UBQLN1: variants seen among roughly 807,000 people sequenced by gnomAD.
The protein encoded by UBQLN1 is ubiquilin 1.
UBQLN1 carries 13 observed loss-of-function variants against 65.4 expected under a neutral mutation model. The observed-to-expected ratio is 0.20, with a 90% CI of 0.13 to 0.32. The LOEUF (loss-of-function observed/expected upper bound fraction) is 0.32. Among genes scored for constraint, UBQLN1 ranks in the 10% least tolerant of loss-of-function variants. The probability of loss-of-function intolerance (pLI) is 1.00; values close to 1 mark genes in which losing one functional copy is unlikely to be tolerated. For missense variants in UBQLN1, 561 were observed against 724.0 expected, an observed-to-expected ratio of 0.77 and a Z score of 2.58; for synonymous variants, 267 against 247.8, an observed-to-expected ratio of 1.08 and a Z score of -0.73.
At position 83,695,188 on chromosome 9, in the gene UBQLN1, T is replaced by C. The variant is rs1587659852; in HGVS notation, c.181-9033A>G. ...AGTTAACTTTACCTTTTATCCTGAA[T>C]GGGCCCTCCCACCTTTTTTTTTTTT... On this transcript the variant is annotated intron_variant, in intron 1 of 10. Transcript: ENST00000376395. 1.4e-5 allele frequency among the ~76,000 whole-genome samples: 2 copies of C among 141,190 alleles called. 1 individual carries two copies. The highest frequency in any genetic ancestry group is 7.8e-3 in the Middle Eastern group (2 of 256). 92.6% of individuals were successfully genotyped at this position (141,190 alleles called of 152,430 possible).
chr9:83,663,115 G>A (rs2131139089), intron 10 of UBQLN1, among the ~76,000 whole-genome samples: 1 of 149,984 alleles, frequency 6.7e-6, no homozygotes, highest in South Asian at 2.1e-4. Context: ...AGGAAAAAGG[G>A]GAAAGGGGGA....
At chr9:83,664,398 G>C (rs1196416406) in intron 9 of UBQLN1, among the ~76,000 whole-genome samples, 1 of 152,060 alleles carries the variant, frequency 6.6e-6, no homozygotes, top group Non-Finnish European at 1.5e-5. Context: ...CAGTCTGCTC[G>C]ATGGAGTGAG....
intron 6 of UBQLN1, among the ~76,000 whole-genome samples, chr9:83,673,166 G>T (rs1263221939): frequency 6.6e-6 from 1 of 152,136 alleles, no homozygotes; most frequent in Non-Finnish European, 1.5e-5. Flanking sequence ...GGAGAAGAAG[G>T]TTGCAGTGAC....
chr9:83,698,624 A>G (rs1420451038), intron 1 of UBQLN1, among the ~76,000 whole-genome samples: 1 of 152,220 alleles, frequency 6.6e-6, no homozygotes, highest in African/African-American at 2.4e-5. Context: ...CATACACAGT[A>G]AATTCTGGCT....
chr9:83,662,004 T>A (rs749662906), intron 10 of UBQLN1, 65 bp from the exon 11 acceptor site: 1 of 1,473,864 alleles, frequency 6.8e-7, no homozygotes, highest in East Asian at 2.3e-5. Flanking sequence ...ACATGACTTT[T>A]AAAATTTTTT....
chr9:83,678,624 G>GAA (rs371018804), intron 4 of UBQLN1, 25 bp from the exon 5 acceptor site: 15 of 1,420,480 alleles, frequency 1.1e-5, no homozygotes, highest in Admixed American at 6.9e-5. Context: ...TCCAAAAAAA[G>GAA]AAAAAAAAAA....
At chr9:83,706,647 T>C (rs140133107) in intron 1 of UBQLN1, among the ~76,000 whole-genome samples, 8 of 152,338 alleles carry the variant, frequency 5.3e-5, no homozygotes, top group Non-Finnish European at 8.8e-5. Context: ...CTAAAATTAT[T>C]TGTTAAATTC....
intron 1 of UBQLN1, among the ~76,000 whole-genome samples, chr9:83,706,083 C>T (rs1443467207): frequency 6.6e-6 from 1 of 151,916 alleles, no homozygotes; most frequent in Admixed American, 6.6e-5. Flanking sequence ...TGAAAACTCA[C>T]GGAATGGCAA....
chr9:83,703,194 G>A (rs1832339993), intron 1 of UBQLN1, among the ~76,000 whole-genome samples: 1 of 151,274 alleles, frequency 6.6e-6, no homozygotes, highest in Non-Finnish European at 1.5e-5. Flanking sequence ...CAGGGACTTT[G>A]TGCCACTACA....
chr9:83,689,177 G>A (rs72746870), intron 1 of UBQLN1, among the ~76,000 whole-genome samples: 1,899 of 152,210 alleles, frequency 0.012, 18 homozygotes, highest in Middle Eastern at 0.044. Flanking sequence ...ATAACATATG[G>A]TCTTTGTGAC....
chr9:83,682,882 T>G, intron 3 of UBQLN1, 69 bp downstream of exon 3: 1 of 765,838 alleles, frequency 1.3e-6, no homozygotes. Flanking sequence ...TCTCATTTTA[T>G]CTGAAACTAC....
Position 83,677,810 on chromosome 9 carries a change from G to C in UBQLN1, c.1022C>G (p.Thr341Ser), listed in dbSNP as rs772280834. Residue 341 changes from threonine (T) to serine (S), a missense_variant, in exon 6 of 11, where the codon ACT (threonine) becomes AGT (serine). This residue lies in a region of UBQLN1 where 89 missense variants were observed against 77.8 expected (regional missense o/e 1.14). Transcript: ENST00000376395. Reference sequence around the variant, plus strand: ...AGTACTACCAGTAGTGCCACCCACAGTGCTGGCAGTGCCGCTGGAAGCTGA... The same window carrying C: ...AGTACTACCAGTAGTGCCACCCACACTGCTGGCAGTGCCGCTGGAAGCTGA... The part of the protein sequence containing the change: ...SSSASSGTAS[T>S]VGGTTGSTAS... 1 of 1,614,164 alleles carries C rather than the reference G, an allele frequency of 6.2e-7. No individual in the cohort carries two copies.
chr9:83,699,713 A>T (rs1832279664), intron 1 of UBQLN1, among the ~76,000 whole-genome samples: 1 of 152,192 alleles, frequency 6.6e-6, no homozygotes, highest in Non-Finnish European at 1.5e-5. Context: ...GATGAACAAG[A>T]TATATTAACA....
At chr9:83,684,461 C>A (rs997029748) in intron 2 of UBQLN1, among the ~76,000 whole-genome samples, 2 of 151,962 alleles carry the variant, frequency 1.3e-5, no homozygotes, top group Non-Finnish European at 2.9e-5. Context: ...TCCCAAAGTG[C>A]TCAGATTTCA....
At chr9:83,673,129 C>A (rs1831761554) in intron 6 of UBQLN1, among the ~76,000 whole-genome samples, 1 of 151,956 alleles carries the variant, frequency 6.6e-6, no homozygotes, top group South Asian at 2.1e-4. Context: ...ACTGGGGAGG[C>A]TGAGAAGGGA....
At chr9:83,690,641 G>C (rs1224266236) in intron 1 of UBQLN1, among the ~76,000 whole-genome samples, 1 of 152,096 alleles carries the variant, frequency 6.6e-6, no homozygotes, top group Non-Finnish European at 1.5e-5. Context: ...GGCCAACATG[G>C]GAGGACTGCT....
At position 83,666,371 on chromosome 9, in the gene UBQLN1, C is replaced by A; in HGVS notation, c.1311G>T (p.Gln437His). 2.5e-6 allele frequency: 4 copies of A among 1,613,870 alleles called. No homozygotes were observed. Among genetic ancestry groups the A allele is most frequent in the Non-Finnish European group, 3.4e-6 (4 of 1,179,790 alleles). The change falls in exon 8 of 11, where the codon CAG becomes CAT. Residue 437 changes from glutamine to histidine, a missense_variant. Around this residue, in one of 8 missense-constraint regions of UBQLN1, gnomAD observed 102 missense variants for 150.7 expected, o/e 0.68. Coordinates refer to ENST00000376395, the MANE Select transcript of UBQLN1 (RefSeq NM_013438.5). Reference protein sequence around the residue: ...NPQLQEQMRQQLPTFLQQMQN... With the variant: ...NPQLQEQMRQHLPTFLQQMQN... Reference sequence around the variant, plus strand: ...TCACTTGTTGGAGGAAAGTTGGGAGCTGTTGTCTCATTTGTTCTTGAAGCT... The same window carrying A: ...TCACTTGTTGGAGGAAAGTTGGGAGATGTTGTCTCATTTGTTCTTGAAGCT...
At position 83,686,029 on chromosome 9, in the gene UBQLN1, G is replaced by T; in HGVS notation, c.307C>A (p.His103Asn). Residue 103 changes from histidine (H) to asparagine (N), a missense_variant, in exon 2 of 11, where the codon CAC becomes AAC. Transcript: ENST00000376395. ...QHGIHDGLTVHLVIKTQNRPQ... is the reference protein window; with the variant it reads ...QHGIHDGLTVNLVIKTQNRPQ... ...CTGTTTTGTGTTTTAATGACAAGGTGAACAGTAAGTCCATCATGAATTCCA... is the reference window on the plus strand; with the variant it reads ...CTGTTTTGTGTTTTAATGACAAGGTTAACAGTAAGTCCATCATGAATTCCA... The T allele has an allele frequency of 6.2e-7, 1 of 1,605,930 alleles. No individual in the cohort carries two copies. Among genetic ancestry groups the T allele is most frequent in the South Asian group, 1.1e-5 (1 of 89,856 alleles).
rs1405779558 is a variant in UBQLN1, at chr9:83,677,777, C to G, written c.1055G>C (p.Gly352Ala). 2 of 1,614,176 alleles carry G rather than the reference C, an allele frequency of 1.2e-6. No homozygotes were observed. Among genetic ancestry groups the G allele is most frequent in the Non-Finnish European group, 1.7e-6 (2 of 1,180,026 alleles). The change falls in exon 6 of 11, where the codon GGC (glycine) becomes GCC (alanine). Residue 352 changes from glycine to alanine, a missense_variant. Transcript: ENST00000376395. ...VGGTTGSTAS[G>A]TSGQSTTAPN... ...CGCAGTAGTACTCTGCCCAGAAGTG[C>G]CACTGGCAGTACTACCAGTAGTGCC...
Sources: gnomAD v4.1 joint callset for allele counts (sites outside exome capture counted in the v4.1 genomes callset) on GRCh38, gnomAD v4.1.1 for gene constraint, gnomAD v4.1.1 regional missense constraint, MANE v1.5 for transcripts, NCBI Gene and HGNC (gene_info 2026-07-23, HGNC 2026-07-21) for gene names.